Variants in BMPR1B observed in about 807,000 individuals in gnomAD.
BMPR1B encodes bone morphogenetic protein receptor type-1B.
A neutral mutation model predicts 59.1 loss-of-function variants in BMPR1B; 12 were observed. That is an observed-to-expected ratio of 0.20 (90% confidence interval 0.13 to 0.33). The LOEUF is 0.33. BMPR1B is among the 10% of genes least tolerant of loss of function. The pLI is 1.00. For missense variants in BMPR1B, 550 were observed against 610.9 expected, an observed-to-expected ratio of 0.90 and a Z score of 1.05; for synonymous variants, 237 against 207.3, an observed-to-expected ratio of 1.14 and a Z score of -1.23.
At chr4:94,981,628 A>G (rs1006431202) in intron 2 of BMPR1B, among the ~76,000 whole-genome samples, 3 of 152,232 alleles carry the variant, frequency 2.0e-5, no homozygotes, top group African/African-American at 7.2e-5. Flanking sequence ...CTGTTAAAAA[A>G]TAAGAACCTA....
At chr4:95,073,824 A>C (rs1262057794) in intron 3 of BMPR1B, among the ~76,000 whole-genome samples, 3 of 152,144 alleles carry the variant, frequency 2.0e-5, no homozygotes, top group African/African-American at 7.2e-5. Flanking sequence ...ACTTCTGTTA[A>C]TGTCTAATGA....
rs145690129 is a variant in BMPR1B at position 95,087,716 on chromosome 4, A to C, written c.-17-16692A>C. The stretch of plus-strand genomic sequence containing the variant: ...CACTGTACTCTAACCTGGGCAACAG[A>C]GTGGGACCCTGTCTCAAAAAAAATA... On this transcript the variant is annotated intron_variant, in intron 3 of 12. Transcript: ENST00000515059. Among the ~76,000 whole-genome samples, 354 of 152,210 alleles carry C rather than the reference A, an allele frequency of 2.3e-3. 1 individual carries two copies. The Middle Eastern group carries it at 0.024, about 10-fold the overall frequency.
At chr4:94,865,985 C>T (rs1726221500) in intron 1 of BMPR1B, among the ~76,000 whole-genome samples, 1 of 152,058 alleles carries the variant, frequency 6.6e-6, no homozygotes, top group South Asian at 2.1e-4. Flanking sequence ...GACAAACAAA[C>T]AAGTACATGT....
intron 1 of BMPR1B, among the ~76,000 whole-genome samples, chr4:94,790,244 C>T (rs1722926321): frequency 6.6e-6 from 1 of 152,024 alleles, no homozygotes; most frequent in African/African-American, 2.4e-5. Context: ...GTTATAGAGT[C>T]AGTTGTACAT....
chr4:94,902,628 C>A (rs1349357804), intron 2 of BMPR1B, among the ~76,000 whole-genome samples: 1 of 151,854 alleles, frequency 6.6e-6, no homozygotes, highest in Non-Finnish European at 1.5e-5. Context: ...TATTAAACAG[C>A]TTAAGATATA....
intron 2 of BMPR1B, among the ~76,000 whole-genome samples, chr4:94,887,252 G>A (rs1472260954): frequency 6.7e-6 from 1 of 149,384 alleles, no homozygotes; most frequent in Non-Finnish European, 1.5e-5. Context: ...AAAAAAAGGT[G>A]CCTTTAAACT....
chr4:94,788,523 AC>A (rs1722842470), intron 1 of BMPR1B, among the ~76,000 whole-genome samples: 2 of 152,186 alleles, frequency 1.3e-5, no homozygotes, highest in Admixed American at 1.3e-4. Context: ...AAACCAGACC[AC>A]CCAGAGCACT....
At chr4:94,904,585 A>G (rs1278165294) in intron 2 of BMPR1B, among the ~76,000 whole-genome samples, 1 of 152,058 alleles carries the variant, frequency 6.6e-6, no homozygotes, top group East Asian at 1.9e-4. Flanking sequence ...GAAATCAAAG[A>G]CTGTAAACCT....
At position 95,131,236 on chromosome 4, in the gene BMPR1B, A is replaced by G; in HGVS notation, c.800A>G (p.Lys267Arg). 1 of 1,613,964 alleles carries G rather than the reference A, an allele frequency of 6.2e-7. No homozygotes were observed. The highest frequency in any genetic ancestry group is 1.3e-5 in the African/African-American group (1 of 75,024). The change falls in exon 10 of 13, where the codon AAA becomes AGA. Residue 267 changes from lysine (K) to arginine (R), a missense_variant. Coordinates refer to ENST00000515059, the MANE Select transcript of BMPR1B (RefSeq NM_001203.3). Reference sequence around the variant, plus strand: ...TTAGGTTTCATTGCTGCAGATATCAAAGGGACAGGGTCCTGGACCCAGTTG... The same window carrying G: ...TTAGGTTTCATTGCTGCAGATATCAGAGGGACAGGGTCCTGGACCCAGTTG... ...NILGFIAADI[K>R]GTGSWTQLYL...
At chr4:94,995,047 A>T (rs1436031126) in intron 2 of BMPR1B, among the ~76,000 whole-genome samples, 1 of 152,182 alleles carries the variant, frequency 6.6e-6, no homozygotes, top group Non-Finnish European at 1.5e-5. Flanking sequence ...AAAGCAAACA[A>T]ATGATTATCT....
chr4:95,154,722 CTGTT>C lies in BMPR1B; in HGVS notation c.*53_*56del, dbSNP rs773372957. On this transcript the variant is annotated 3_prime_UTR_variant, in exon 13 of 13. Transcript: ENST00000515059. ...CTGCAGAAAGCCAACAGGTACTCTT[CTGTT>C]TGTGGGCAGAGCAAAAGACATCAAA... is the stretch of plus-strand genomic sequence containing the variant. The C allele has an allele frequency of 6.2e-6, 10 of 1,609,368 alleles. No homozygotes were observed. The highest frequency in any genetic ancestry group is 1.7e-4 in the Middle Eastern group (1 of 6,052).
At chr4:95,100,957 T>G (rs1730777471) in intron 3 of BMPR1B, among the ~76,000 whole-genome samples, 1 of 152,188 alleles carries the variant, frequency 6.6e-6, no homozygotes, top group Non-Finnish European at 1.5e-5. Flanking sequence ...TTTGTTTTAT[T>G]CTCAGTCTTT....
chr4:94,759,380 A>T (rs1429873850), intron 1 of BMPR1B, among the ~76,000 whole-genome samples: 1 of 152,276 alleles, frequency 6.6e-6, no homozygotes, highest in Non-Finnish European at 1.5e-5. Context: ...GCAAAGAAAC[A>T]TAAAAGGCTC....
chr4:95,066,492 GT>G (rs1246983854), intron 3 of BMPR1B, among the ~76,000 whole-genome samples: 1 of 152,204 alleles, frequency 6.6e-6, no homozygotes, highest in East Asian at 1.9e-4. Flanking sequence ...TGGAAATGCA[GT>G]TATTCTGTAG....
chr4:94,917,187 T>G (rs553486989), intron 2 of BMPR1B, among the ~76,000 whole-genome samples: 91 of 152,300 alleles, frequency 6.0e-4, no homozygotes, highest in African/African-American at 2.1e-3. Context: ...AGAGAACCAC[T>G]GTTAGGATGG....
intron 3 of BMPR1B, among the ~76,000 whole-genome samples, chr4:95,048,885 T>C (rs918736949): frequency 1.2e-4 from 19 of 152,188 alleles, no homozygotes; most frequent in African/African-American, 4.3e-4. Flanking sequence ...ATGCCATTTA[T>C]AGAAGATCCC....
At chr4:94,852,150 G>A (rs1296515993) in intron 1 of BMPR1B, among the ~76,000 whole-genome samples, 1 of 152,106 alleles carries the variant, frequency 6.6e-6, no homozygotes, top group Non-Finnish European at 1.5e-5. Flanking sequence ...TACTACAAGT[G>A]GATTAGGTGT....
At chr4:94,821,871 G>A (rs1724222759) in intron 1 of BMPR1B, among the ~76,000 whole-genome samples, 2 of 152,196 alleles carry the variant, frequency 1.3e-5, no homozygotes, top group South Asian at 4.1e-4. Flanking sequence ...GGTAAGTGAA[G>A]TGAATCTTCC....
intron 3 of BMPR1B, among the ~76,000 whole-genome samples, chr4:95,087,585 G>A (rs1473309853): frequency 6.6e-6 from 1 of 152,060 alleles, no homozygotes; most frequent in African/African-American, 2.4e-5. Flanking sequence ...AGAAAAATTA[G>A]CCAGGCTTGG....
Sources: gnomAD v4.1 joint callset for allele counts (sites outside exome capture counted in the v4.1 genomes callset) on GRCh38, gnomAD v4.1.1 for gene constraint, MANE v1.5 for transcripts, NCBI Gene and HGNC (gene_info 2026-07-23, HGNC 2026-07-21) for gene names.